The following TMPRSS11E variants were observed in gnomAD, a reference collection of about 807,000 sequenced individuals.
TMPRSS11E encodes transmembrane serine protease 11E.
Under a neutral mutation model 48.1 loss-of-function variants are expected in TMPRSS11E, and 38 were observed. The ratio of observed to expected loss-of-function variants is 0.79; its 90% CI spans 0.61 to 1.04. The LOEUF (loss-of-function observed/expected upper bound fraction) is 1.04, where lower values mean the gene tolerates loss of function less well. Among genes scored for constraint, TMPRSS11E ranks in the 50% least tolerant of loss-of-function variants. The probability of loss-of-function intolerance (pLI) is 0.00; values close to 1 mark genes in which losing one functional copy is unlikely to be tolerated. For missense variants in TMPRSS11E, 530 were observed against 510.8 expected (o/e 1.04, Z -0.36); for synonymous variants, 158 against 171.9 (o/e 0.92, Z 0.63).
At chr4:68,449,235 A>G (rs1291592358) in intron 1 of TMPRSS11E, among the ~76,000 whole-genome samples, 3 of 151,316 alleles carry the variant, frequency 2.0e-5, no homozygotes, top group Non-Finnish European at 3.0e-5. Flanking sequence ...TTCTTTGAGC[A>G]TGAAGAGATC....
At chr4:68,456,652 A>G (rs1728639877) in intron 1 of TMPRSS11E, among the ~76,000 whole-genome samples, 1 of 152,064 alleles carries the variant, frequency 6.6e-6, no homozygotes, top group Non-Finnish European at 1.5e-5. Context: ...TAGGATAAGC[A>G]GGCACAATCC....
chr4:68,454,071 A>G (rs1728564971), intron 1 of TMPRSS11E, among the ~76,000 whole-genome samples: 1 of 151,972 alleles, frequency 6.6e-6, no homozygotes, highest in Non-Finnish European at 1.5e-5. Context: ...GTGCCTAACC[A>G]AAGATCAAGG....
chr4:68,467,965 T>C (rs1194743092), intron 3 of TMPRSS11E, among the ~76,000 whole-genome samples: 2 of 152,168 alleles, frequency 1.3e-5, no homozygotes, highest in Non-Finnish European at 2.9e-5. Flanking sequence ...ATAAGGCTCT[T>C]TAATGCCTTC....
intron 1 of TMPRSS11E, among the ~76,000 whole-genome samples, chr4:68,451,610 G>T (rs1366458042): frequency 6.6e-6 from 1 of 151,948 alleles, no homozygotes; most frequent in Non-Finnish European, 1.5e-5. Flanking sequence ...CAGACACAGA[G>T]GGATTTAGCA....
In TMPRSS11E at chr4:68,496,920, C is replaced by G; in HGVS notation, c.*116C>G. 1 of 1,050,324 alleles carries G rather than the reference C, an allele frequency of 9.5e-7. No homozygotes were observed. The highest frequency in any genetic ancestry group is 1.6e-5 in the South Asian group (1 of 63,460). 65.1% of individuals were successfully genotyped at this position (1,050,324 alleles called of 1,614,324 possible). A position where few individuals can be genotyped will look rare whatever the true frequency, so the allele number is the denominator to read the frequency against. On this transcript the variant is annotated 3_prime_UTR_variant, in exon 10 of 10. Coordinates refer to ENST00000305363, the MANE Select transcript of TMPRSS11E (RefSeq NM_014058.4). ...CAAAACAGCTAGATTTGACTGATCT[C>G]AATAAACTGTTTGCTTGATGCATGT... is the stretch of plus-strand genomic sequence containing the variant.
chr4:68,491,195 A>G (rs1379994481), intron 9 of TMPRSS11E, among the ~76,000 whole-genome samples: 1 of 146,000 alleles, frequency 6.8e-6, no homozygotes, highest in Non-Finnish European at 1.5e-5. Context: ...CTTATTGATT[A>G]TTTTACTAGG....
At chr4:68,449,712 T>A (rs1189228689) in intron 1 of TMPRSS11E, among the ~76,000 whole-genome samples, 1 of 151,760 alleles carries the variant, frequency 6.6e-6, no homozygotes, top group Non-Finnish European at 1.5e-5. Flanking sequence ...GCACTAATGG[T>A]GTAAAGACAT....
chr4:68,457,139 T>G (rs916096402), intron 1 of TMPRSS11E, among the ~76,000 whole-genome samples: 1 of 151,922 alleles, frequency 6.6e-6, no homozygotes, highest in Non-Finnish European at 1.5e-5. Flanking sequence ...TGGGAGAAAA[T>G]TTTTGCAATC....
chr4:68,452,818 G>A (rs1266594979), intron 1 of TMPRSS11E, among the ~76,000 whole-genome samples: 3 of 151,754 alleles, frequency 2.0e-5, no homozygotes, highest in Admixed American at 1.3e-4. Flanking sequence ...AGGCATTTGG[G>A]GATACATTAT....
chr4:68,466,952 G>T (rs147527179), intron 3 of TMPRSS11E, among the ~76,000 whole-genome samples, 200 bp downstream of exon 3: 3,986 of 152,122 alleles, frequency 0.026, 173 homozygotes, highest in African/African-American at 0.091. Context: ...TTGAACCAAA[G>T]AAACTTTAGC....
rs778731274 is a variant in TMPRSS11E at position 68,478,902 on chromosome 4, A to C, written c.1021A>C (p.Thr341Pro). ...ACAGGTGACTCTCATAGACGCTACA[A>C]CTTGCAATGAACCTCAAGCTTACAA... ...QAQVTLIDATTCNEPQAYNDA... is the reference protein window; with the variant it reads ...QAQVTLIDATPCNEPQAYNDA... Residue 341 changes from threonine (T) to proline (P), a missense_variant, in exon 9 of 10, where the codon ACT becomes CCT. Transcript: ENST00000305363. 6 of 1,613,988 alleles carry C rather than the reference A, an allele frequency of 3.7e-6. No homozygotes were observed. The highest frequency in any genetic ancestry group is 5.1e-6 in the Non-Finnish European group (6 of 1,180,004).
Position 68,464,370 on chromosome 4 carries a change from C to T in TMPRSS11E, c.137-2261C>T, listed in dbSNP as rs140052988. On this transcript the variant is annotated intron_variant, in intron 2 of 9. Coordinates refer to ENST00000305363, the MANE Select transcript of TMPRSS11E (RefSeq NM_014058.4). ...ACAATGTAGAATTCTGTGTATGGTT[C>T]GTGTCTGGGGCCTTTGGGGGTGCAT... Among the ~76,000 whole-genome samples, 228 of 152,184 alleles carry T rather than the reference C, an allele frequency of 1.5e-3. 1 individual carries two copies. The highest frequency in any genetic ancestry group is 5.3e-3 in the African/African-American group (222 of 41,512).
chr4:68,481,690 A>C (rs932016966), intron 9 of TMPRSS11E, among the ~76,000 whole-genome samples: 5 of 152,090 alleles, frequency 3.3e-5, no homozygotes, highest in Non-Finnish European at 7.4e-5. Context: ...TGGCTCATGC[A>C]GGTAATCTCA....
intron 9 of TMPRSS11E, among the ~76,000 whole-genome samples, chr4:68,493,837 C>G (rs545275996): frequency 6.6e-6 from 1 of 152,144 alleles, no homozygotes; most frequent in East Asian, 1.9e-4. Context: ...TACCACTTGC[C>G]TTGCTCTTTA....
intron 8 of TMPRSS11E, among the ~76,000 whole-genome samples, chr4:68,478,516 C>A (rs1279605579): frequency 8.3e-6 from 1 of 120,452 alleles, no homozygotes; most frequent in Admixed American, 1.0e-4. Flanking sequence ...GTTCAGTGGC[C>A]CGATCTTGGC....
intron 9 of TMPRSS11E, among the ~76,000 whole-genome samples, chr4:68,484,309 C>A (rs1296818959): frequency 6.6e-6 from 1 of 152,046 alleles, no homozygotes; most frequent in Non-Finnish European, 1.5e-5. Flanking sequence ...ACTATGGTTT[C>A]TTTCTTTTTT....
At chr4:68,455,511 C>A (rs1163976989) in intron 1 of TMPRSS11E, among the ~76,000 whole-genome samples, 1 of 151,896 alleles carries the variant, frequency 6.6e-6, no homozygotes, top group Non-Finnish European at 1.5e-5. Context: ...CAGTTTAGAT[C>A]TACTTCCATT....
chr4:68,464,780 G>A (rs1728883770), intron 2 of TMPRSS11E, among the ~76,000 whole-genome samples: 1 of 152,158 alleles, frequency 6.6e-6, no homozygotes, highest in Admixed American at 6.5e-5. Context: ...GGGTCTGTTA[G>A]CATTCTGTCT....
intron 8 of TMPRSS11E, 23 bp from the exon 9 acceptor site, chr4:68,478,826 A>T (rs1190894201): frequency 6.2e-7 from 1 of 1,611,038 alleles, no homozygotes. Flanking sequence ...GTCTACAAAT[A>T]CAAAGACTTT....
Sources: gnomAD v4.1 joint callset for allele counts (sites outside exome capture counted in the v4.1 genomes callset) on GRCh38, gnomAD v4.1.1 for gene constraint, MANE v1.5 for transcripts, NCBI Gene and HGNC (gene_info 2026-07-23, HGNC 2026-07-21) for gene names.